The following SEC63 variants were observed in gnomAD, a reference collection of about 807,000 sequenced individuals.
SEC63 encodes translocation protein SEC63 homolog.
In SEC63, 56 loss-of-function variants were observed where a neutral mutation model predicts 116.2. The observed-to-expected ratio is 0.48, with a 90% CI of 0.39 to 0.60. The LOEUF (loss-of-function observed/expected upper bound fraction) is 0.60, where lower values mean the gene tolerates loss of function less well. SEC63 is among the 20% of genes least tolerant of loss of function. SEC63 has a pLI of 0.00. For synonymous variants in SEC63, 273 were observed against 294.6 expected (o/e 0.93, Z 0.75); for missense variants, 668 against 900.0 (o/e 0.74, Z 3.30).
At chr6:107,921,725 T>C (rs1787560122) in intron 4 of SEC63, 72 bp downstream of exon 4, 1 of 954,404 alleles carries the variant, frequency 1.0e-6, no homozygotes. Context: ...GTACTGGGAT[T>C]ACAGGCATGA....
rs759305610 is a variant in SEC63 at position 107,921,787 on chromosome 6, T to C, written c.452+10A>G. 15 of 1,527,282 alleles carry C rather than the reference T, an allele frequency of 9.8e-6. No individual in the cohort carries two copies. In the Admixed American group the frequency reaches 2.3e-4, roughly 24 times the overall value. 94.6% of individuals were successfully genotyped at this position (1,527,282 alleles called of 1,614,324 possible). A position where few individuals can be genotyped will look rare whatever the true frequency, so the allele number is the denominator to read the frequency against. Reference sequence around the variant, plus strand: ...ATTCTTAAAAATTTGTAATGGATCCTGATACTTACGCAGCATAAGCTTTTG... The same window carrying C: ...ATTCTTAAAAATTTGTAATGGATCCCGATACTTACGCAGCATAAGCTTTTG... On this transcript the variant is annotated intron_variant, in intron 4 of 20. Transcript: ENST00000369002.
At chr6:107,935,738 A>G (rs1344855680) in intron 1 of SEC63, among the ~76,000 whole-genome samples, 2 of 151,650 alleles carry the variant, frequency 1.3e-5, no homozygotes, top group African/African-American at 4.9e-5. Flanking sequence ...CTATTGTCCT[A>G]TGACCCTGCC....
At chr6:107,888,275 T>C (rs1281637470) in intron 16 of SEC63, among the ~76,000 whole-genome samples, 1 of 152,182 alleles carries the variant, frequency 6.6e-6, no homozygotes, top group Non-Finnish European at 1.5e-5. Context: ...CCTTGAGCAG[T>C]GGTTTGTAGT....
In SEC63 at chr6:107,906,549, T is replaced by C; in HGVS notation, c.860A>G (p.Lys287Arg). ...LIREIGSINL[K>R]KNEPPLTCPY... ...GCAGGTAAGTGGAGGCTCATTCTTC[T>C]TTAAATTAATGCTGCCAATTTCTCT... is the stretch of plus-strand genomic sequence containing the variant. Residue 287 changes from lysine to arginine, a missense_variant, in exon 10 of 21, where the codon AAG becomes AGG. Lys to Arg is a conservative substitution (Grantham distance 26). Coordinates refer to ENST00000369002, the MANE Select transcript of SEC63 (RefSeq NM_007214.5). 2 of 1,613,384 alleles carry C rather than the reference T, an allele frequency of 1.2e-6. No individual in the cohort carries two copies. Among genetic ancestry groups the C allele is most frequent in the South Asian group, 1.1e-5 (1 of 91,052 alleles).
At chr6:107,888,458 G>A (rs1187867308) in intron 16 of SEC63, among the ~76,000 whole-genome samples, 3 of 152,222 alleles carry the variant, frequency 2.0e-5, no homozygotes, top group African/African-American at 7.2e-5. Context: ...CTAAGACTTA[G>A]CTGAAGTTGC....
At chr6:107,928,474 G>A (rs1787726865) in intron 2 of SEC63, among the ~76,000 whole-genome samples, 1 of 148,398 alleles carries the variant, frequency 6.7e-6, no homozygotes, top group African/African-American at 2.5e-5. Flanking sequence ...GGGCAACAGA[G>A]CAAGACTCTG....
At chr6:107,954,838 T>C (rs907949079) in intron 1 of SEC63, 4 of 151,998 alleles carry the variant, frequency 2.6e-5, no homozygotes, top group African/African-American at 9.7e-5. Context: ...ACAACTCAAG[T>C]TATTAGGGTA....
At chr6:107,902,808 C>G in intron 12 of SEC63, 36 bp downstream of exon 12, 1 of 1,599,614 alleles carries the variant, frequency 6.3e-7, no homozygotes, top group Non-Finnish European at 8.6e-7. Flanking sequence ...ACAGGACAAA[C>G]TGCTGAAAAC....
intron 1 of SEC63, among the ~76,000 whole-genome samples, chr6:107,945,305 CT>C (rs59290085): frequency 1.6e-3 from 222 of 138,252 alleles, no homozygotes; most frequent in African/African-American, 2.0e-3. Context: ...TCTTTCTTTT[CT>C]TTTTTTTTTT....
At chr6:107,874,786 C>T (rs920672134) in intron 19 of SEC63, among the ~76,000 whole-genome samples, 1 of 152,086 alleles carries the variant, frequency 6.6e-6, no homozygotes, top group Non-Finnish European at 1.5e-5. Flanking sequence ...AGTGATCCTC[C>T]TGCCTCAGCC....
At position 107,951,467 on chromosome 6, in the gene SEC63, G is replaced by A. The variant is rs546564987; in HGVS notation, c.124+6419C>T. On this transcript the variant is annotated intron_variant, in intron 1 of 20. Transcript: ENST00000369002. ...ACACATTAGTTTTTTGGATTTTGTT[G>A]TTGTTGTTAGCAAAGAGCACATAGC... Among the ~76,000 whole-genome samples the A allele has an allele frequency of 3.5e-4, 54 of 152,172 alleles. 2 individuals are homozygous for A. The highest frequency in any genetic ancestry group is 1.2e-3 in the African/African-American group (51 of 41,504).
Position 107,921,799 on chromosome 6 carries a change from A to C in SEC63, c.450T>G (p.Ala150=), listed in dbSNP as rs1301432520. 1 of 1,578,614 alleles carries C rather than the reference A, an allele frequency of 6.3e-7. No individual in the cohort carries two copies. The highest frequency in any genetic ancestry group is 8.7e-7 in the Non-Finnish European group (1 of 1,147,792). ...VMFMRIAKAY[A]ALTDEESRKN... Reference sequence around the variant, plus strand: ...TTGTAATGGATCCTGATACTTACGCAGCATAAGCTTTTGCTATCCTCATGA... The same window carrying C: ...TTGTAATGGATCCTGATACTTACGCCGCATAAGCTTTTGCTATCCTCATGA... The change falls in exon 4 of 21, where the codon GCT becomes GCG. Residue 150 remains alanine (A), a splice_region_variant and synonymous_variant. Coordinates refer to ENST00000369002, the MANE Select transcript of SEC63 (RefSeq NM_007214.5).
intron 1 of SEC63, among the ~76,000 whole-genome samples, chr6:107,937,122 C>T (rs1456606241): frequency 2.5e-5 from 1 of 40,424 alleles, no homozygotes; most frequent in South Asian, 1.1e-3. Flanking sequence ...ATATGTACCA[C>T]ATTTTTTTTT....
intron 16 of SEC63, chr6:107,883,566 A>G: frequency 5.8e-6 from 1 of 172,304 alleles, no homozygotes; most frequent in Non-Finnish European, 1.2e-5. Context: ...AGGCAGAGGC[A>G]GGAAGACTGC....
At position 107,958,077 on chromosome 6, in the gene SEC63, C is replaced by G; in HGVS notation, c.-68G>C. On this transcript the variant is annotated 5_prime_UTR_variant, in exon 1 of 21. Coordinates refer to ENST00000369002, the MANE Select transcript of SEC63 (RefSeq NM_007214.5). Reference sequence around the variant, plus strand: ...CGACCACGCTCTGCACTCCCGCTCCCAACGCCCCGGCCCGAGTGGCGTAGC... The same window carrying G: ...CGACCACGCTCTGCACTCCCGCTCCGAACGCCCCGGCCCGAGTGGCGTAGC... 1 of 1,598,128 alleles carries G rather than the reference C, an allele frequency of 6.3e-7. No homozygotes were observed.
chr6:107,901,798 C>T (rs1787011390), intron 12 of SEC63, among the ~76,000 whole-genome samples: 1 of 151,836 alleles, frequency 6.6e-6, no homozygotes, highest in Non-Finnish European at 1.5e-5. Flanking sequence ...CTTGACTCAA[C>T]CAAGAACTTT....
At chr6:107,887,130 A>T (rs1786548204) in intron 16 of SEC63, among the ~76,000 whole-genome samples, 1 of 152,012 alleles carries the variant, frequency 6.6e-6, no homozygotes, top group Non-Finnish European at 1.5e-5. Context: ...AGAAACAGGA[A>T]CACTTTTACA....
chr6:107,924,374 C>A (rs537356390), intron 3 of SEC63, among the ~76,000 whole-genome samples: 1 of 148,186 alleles, frequency 6.7e-6, no homozygotes, highest in East Asian at 2.0e-4. Context: ...GTCAGGAGAT[C>A]GAGACCATCC....
At chr6:107,955,932 G>T in intron 1 of SEC63, 1 of 340,488 alleles carries the variant, frequency 2.9e-6, no homozygotes. Context: ...ATTCTTCTAT[G>T]AAATCAGGTG....
Sources: gnomAD v4.1 joint callset for allele counts (sites outside exome capture counted in the v4.1 genomes callset) on GRCh38, gnomAD v4.1.1 for gene constraint, MANE v1.5 for transcripts, NCBI Gene and HGNC (gene_info 2026-07-23, HGNC 2026-07-21) for gene names.